The following IPO11 variants were observed in gnomAD, a reference collection of about 807,000 sequenced individuals.
IPO11 encodes the protein importin-11.
IPO11 carries 66 observed loss-of-function variants against 143.2 expected under a neutral mutation model. The observed-to-expected ratio is 0.46, with a 90% CI of 0.38 to 0.57. The LOEUF (loss-of-function observed/expected upper bound fraction) is 0.57. Ranked by LOEUF, IPO11 falls within the 20% of genes least tolerant of loss-of-function variation. IPO11 has a pLI of 0.00. For missense variants in IPO11, 1,026 were observed against 1,141.0 expected (o/e 0.90, Z 1.45); for synonymous variants, 385 against 377.8 (o/e 1.02, Z -0.22).
Position 62,536,736 on chromosome 5 carries a change from G to A in IPO11, c.2124G>A (p.Lys708=), listed in dbSNP as rs749400594. ...CAGAAAATCTTAGAACTTGCTTTAA[G>A]ATCATCAATGGTTATATCTTTTTAT... ...LSSENLRTCF[K]IINGYIFLSS... The change falls in exon 23 of 30, where the codon AAG becomes AAA. Residue 708 remains lysine (K), a synonymous_variant. Coordinates refer to ENST00000325324, the MANE Select transcript of IPO11 (RefSeq NM_016338.5). 15 of 1,577,836 alleles carry A rather than the reference G, an allele frequency of 9.5e-6. No homozygotes were observed.
intron 29 of IPO11, among the ~76,000 whole-genome samples, chr5:62,626,598 G>A (rs1004274558): frequency 1.3e-4 from 20 of 151,196 alleles, no homozygotes; most frequent in African/African-American, 4.9e-4. Context: ...GTGGACTTCT[G>A]GGTTATTTTT....
chr5:62,550,152 G>A (rs752604224), intron 24 of IPO11, among the ~76,000 whole-genome samples: 2 of 152,188 alleles, frequency 1.3e-5, no homozygotes, highest in Non-Finnish European at 2.9e-5. Context: ...ATATAGCTGT[G>A]TGTAAATATT....
chr5:62,492,682 C>T (rs1401252943), intron 15 of IPO11, among the ~76,000 whole-genome samples: 2 of 152,030 alleles, frequency 1.3e-5, no homozygotes, highest in Non-Finnish European at 2.9e-5. Context: ...CAGCTGGGAC[C>T]ACGATGTGTG....
chr5:62,453,441 G>A (rs1288782636), intron 5 of IPO11, among the ~76,000 whole-genome samples: 1 of 151,264 alleles, frequency 6.6e-6, no homozygotes, highest in East Asian at 1.9e-4. Context: ...GGGATGTAAT[G>A]GAAGGAGCCA....
intron 26 of IPO11, among the ~76,000 whole-genome samples, chr5:62,559,655 G>A (rs990488651): frequency 2.0e-5 from 3 of 151,564 alleles, no homozygotes; most frequent in Non-Finnish European, 2.9e-5. Flanking sequence ...GGTGGCTCAC[G>A]CCTGTAATCC....
intron 7 of IPO11, 25 bp from the exon 8 acceptor site, chr5:62,474,389 GAT>G (rs755683024): frequency 7.6e-7 from 1 of 1,315,652 alleles, no homozygotes; most frequent in South Asian, 1.3e-5. Flanking sequence ...AATAAATTGA[GAT>G]ATTTAAAATA....
chr5:62,604,155 A>T (rs1044199788), intron 29 of IPO11, among the ~76,000 whole-genome samples: 1 of 152,196 alleles, frequency 6.6e-6, no homozygotes, highest in Non-Finnish European at 1.5e-5. Context: ...GCAATGCATG[A>T]CTATATATCT....
intron 3 of IPO11, among the ~76,000 whole-genome samples, chr5:62,447,142 G>A (rs574143886): frequency 1.4e-4 from 21 of 151,532 alleles, no homozygotes; most frequent in Non-Finnish European, 2.4e-4. Context: ...GTTTTGTTCT[G>A]TTGCCCAGGC....
intron 27 of IPO11, among the ~76,000 whole-genome samples, chr5:62,578,271 T>C (rs553857369): frequency 1.3e-5 from 2 of 152,196 alleles, no homozygotes; most frequent in African/African-American, 4.8e-5. Flanking sequence ...ACCAAAAATA[T>C]TTTGAAAATT....
chr5:62,564,497 T>C (rs1743872030), intron 27 of IPO11, among the ~76,000 whole-genome samples: 1 of 152,198 alleles, frequency 6.6e-6, no homozygotes, highest in South Asian at 2.1e-4. Flanking sequence ...GTCTAAAGTA[T>C]GATGTTGATG....
intron 28 of IPO11, among the ~76,000 whole-genome samples, chr5:62,596,159 C>T (rs559571636): frequency 6.8e-6 from 1 of 147,144 alleles, no homozygotes; most frequent in African/African-American, 2.5e-5. Context: ...TTAGCAGCTG[C>T]TTGGGAGGCT....
intron 1 of IPO11, among the ~76,000 whole-genome samples, chr5:62,420,054 G>A (rs536546575): frequency 1.6e-4 from 24 of 152,008 alleles, no homozygotes; most frequent in Non-Finnish European, 3.2e-4. Flanking sequence ...ACTTCGGGAG[G>A]CCAAGGCGGG....
chr5:62,481,898 G>A lies in IPO11; in HGVS notation c.829-1203G>A, dbSNP rs530922986. Among the ~76,000 whole-genome samples, 6 of 152,192 alleles carry A rather than the reference G, an allele frequency of 3.9e-5. No homozygotes were observed. The East Asian group carries it at 5.8e-4, about 15-fold the overall frequency. On this transcript the variant is annotated intron_variant, in intron 9 of 29. Coordinates refer to ENST00000325324, the MANE Select transcript of IPO11 (RefSeq NM_016338.5). ...CCTCTTTGTACCTCTGATAGAATTCGGCTGTGAATCTGTTTGGTCTGGGAC... is the reference window on the plus strand; with the variant it reads ...CCTCTTTGTACCTCTGATAGAATTCAGCTGTGAATCTGTTTGGTCTGGGAC...
intron 27 of IPO11, among the ~76,000 whole-genome samples, chr5:62,588,329 C>T (rs973183856): frequency 6.6e-5 from 10 of 151,684 alleles, no homozygotes; most frequent in Non-Finnish European, 1.3e-4. Flanking sequence ...TGGCCTCAAG[C>T]GATCATCTTT....
chr5:62,575,358 G>C (rs2112391562), intron 27 of IPO11, among the ~76,000 whole-genome samples: 1 of 152,284 alleles, frequency 6.6e-6, no homozygotes, highest in African/African-American at 2.4e-5. Context: ...CCATTTCTGT[G>C]TAAGTTGTAT....
At position 62,452,601 on chromosome 5, in the gene IPO11, C is replaced by T. The variant is rs577314863; in HGVS notation, c.516+668C>T. ...AGGGCAGATATAGGAAGGAGTTTGA[C>T]GTAAGTAGGGAGTGACAGCCTTTTA... On this transcript the variant is annotated intron_variant, in intron 5 of 29. Transcript: ENST00000325324. Among the ~76,000 whole-genome samples, 6 of 150,584 alleles carry T rather than the reference C, an allele frequency of 4.0e-5. No individual in the cohort carries two copies. In the East Asian group the frequency reaches 5.8e-4, roughly 15 times the overall value.
chr5:62,592,531 G>GT (rs1002258043), intron 28 of IPO11, among the ~76,000 whole-genome samples: 2 of 152,044 alleles, frequency 1.3e-5, no homozygotes, highest in African/African-American at 4.8e-5. Context: ...ATGTAGGCAG[G>GT]TTTTTTTCTT....
chr5:62,446,851 C>G (rs1288454556), intron 3 of IPO11, among the ~76,000 whole-genome samples: 1 of 152,020 alleles, frequency 6.6e-6, no homozygotes, highest in East Asian at 1.9e-4. Flanking sequence ...AGCCTGTACT[C>G]CCAGCTACTG....
chr5:62,441,676 AGC>A (rs1744485181), intron 2 of IPO11, among the ~76,000 whole-genome samples: 1 of 148,908 alleles, frequency 6.7e-6, no homozygotes, highest in Admixed American at 6.7e-5. Context: ...CACCACACCC[AGC>A]TAATTTTTTG....
Sources: allele counts gnomAD v4.1 joint callset (sites outside exome capture counted in the v4.1 genomes callset), GRCh38; gene constraint gnomAD v4.1.1; transcripts MANE v1.5; gene names NCBI Gene and HGNC (gene_info 2026-07-23, HGNC 2026-07-21).